Variants in MAJIN observed in about 807,000 individuals in gnomAD.
MAJIN encodes the protein membrane anchored junction protein.
MAJIN carries 27 observed loss-of-function variants against 30.2 expected under a neutral mutation model. The observed-to-expected ratio is 0.89, with a 90% CI of 0.66 to 1.23. The LOEUF (loss-of-function observed/expected upper bound fraction) is 1.23. MAJIN is among the 50% of genes most tolerant of loss of function. The pLI is 0.00. For synonymous variants in MAJIN, 78 were observed against 91.6 expected (o/e 0.85, Z 0.85); for missense variants, 253 against 260.3 (o/e 0.97, Z 0.19).
At chr11:64,971,476 AAGGAGG>A (rs201940825) in intron 1 of MAJIN, among the ~76,000 whole-genome samples, 1,630 of 145,184 alleles carry the variant, frequency 0.011, 15 homozygotes, top group Non-Finnish European at 0.018. Flanking sequence ...GGGGGCGGGG[AAGGAGG>A]AGGAGGAGGA....
At chr11:64,956,414 G>A (rs866420737) in intron 3 of MAJIN, among the ~76,000 whole-genome samples, 24 of 152,182 alleles carry the variant, frequency 1.6e-4, no homozygotes, top group Middle Eastern at 3.4e-3. Context: ...ACTTCAACCC[G>A]GGAGGTGGAG....
At position 64,944,859 on chromosome 11, in the gene MAJIN, G is replaced by T. The variant is rs149812402; in HGVS notation, c.473+2515C>A. Among the ~76,000 whole-genome samples, 589 of 152,264 alleles carry T rather than the reference G, an allele frequency of 3.9e-3. 2 individuals carry two copies. The highest frequency in any genetic ancestry group is 0.014 in the African/African-American group (565 of 41,554). The stretch of plus-strand genomic sequence containing the variant: ...CCAGCTAACAGCTATTTAAAGAGGG[G>T]AGGAAAAGAAAAAGGTCACTATTTT... On this transcript the variant is annotated intron_variant, in intron 8 of 10. Coordinates refer to ENST00000301896, the MANE Select transcript of MAJIN (RefSeq NM_001037225.3).
chr11:64,940,703 T>A, intron 8 of MAJIN, 57 bp from the exon 9 acceptor site: 1 of 1,488,038 alleles, frequency 6.7e-7, no homozygotes, highest in South Asian at 1.1e-5. Flanking sequence ...TGCATGGCAA[T>A]CTGAATGCTA....
chr11:64,966,145 G>GAAAAAAAGAAAAAA (rs1945804759), intron 1 of MAJIN, among the ~76,000 whole-genome samples: 1 of 57,100 alleles, frequency 1.8e-5, no homozygotes, highest in Non-Finnish European at 3.0e-5. Context: ...GATTAAAAAT[G>GAAAAAAAGAAAAAA]AAAAAAAAAA....
intron 1 of MAJIN, among the ~76,000 whole-genome samples, chr11:64,962,259 T>C (rs1273171838): frequency 6.6e-6 from 1 of 152,250 alleles, no homozygotes; most frequent in Non-Finnish European, 1.5e-5. Context: ...AGCCCTCTTC[T>C]AGCTAGGGCC....
intron 4 of MAJIN, 107 bp downstream of exon 4, chr11:64,954,649 GT>G: frequency 9.1e-7 from 1 of 1,099,130 alleles, no homozygotes; most frequent in Non-Finnish European, 1.4e-6. Flanking sequence ...AGGAAGCCAA[GT>G]TATCAAGTGG....
chr11:64,964,750 C>A (rs1945780707), intron 1 of MAJIN, among the ~76,000 whole-genome samples: 1 of 151,972 alleles, frequency 6.6e-6, no homozygotes, highest in South Asian at 2.1e-4. Flanking sequence ...CCACACCTGG[C>A]TAATTTTTGT....
At chr11:64,948,602 CATATATATATATAT>C (rs1554970962) in intron 6 of MAJIN, among the ~76,000 whole-genome samples, 30 of 19,420 alleles carry the variant, frequency 1.5e-3, no homozygotes, top group East Asian at 7.2e-3. Context: ...CGGGCTACAT[CATATATATATATAT>C]ATATATATAT....
At chr11:64,938,749 G>T (rs929767194) in intron 10 of MAJIN, among the ~76,000 whole-genome samples, 176 bp from the exon 11 acceptor site, 1 of 152,152 alleles carries the variant, frequency 6.6e-6, no homozygotes, top group East Asian at 1.9e-4. Context: ...TCAGGAGGGG[G>T]AAATAAAGAA....
chr11:64,962,172 C>G (rs1025598261), intron 1 of MAJIN, among the ~76,000 whole-genome samples: 4 of 152,198 alleles, frequency 2.6e-5, no homozygotes, highest in African/African-American at 9.7e-5. Flanking sequence ...AAATGAAGGA[C>G]ATTTGCTGGA....
chr11:64,951,169 T>C (rs1945545237), intron 4 of MAJIN, among the ~76,000 whole-genome samples: 1 of 152,224 alleles, frequency 6.6e-6, no homozygotes, highest in African/African-American at 2.4e-5. Context: ...GTATCCCTTC[T>C]ATGGTGTCTA....
intron 1 of MAJIN, among the ~76,000 whole-genome samples, chr11:64,970,142 T>A (rs1322943825): frequency 1.3e-5 from 2 of 151,966 alleles, no homozygotes; most frequent in East Asian, 4.0e-4. Context: ...AGTGGGTGGA[T>A]CACCTGAGGT....
At chr11:64,947,273 C>A in intron 8 of MAJIN, 101 bp downstream of exon 8, 2 of 995,826 alleles carry the variant, frequency 2.0e-6, no homozygotes, top group South Asian at 1.8e-5. Flanking sequence ...TGAAGTCCTG[C>A]AAAAGAAAGT....
intron 1 of MAJIN, among the ~76,000 whole-genome samples, chr11:64,965,340 CAG>C (rs1459036820): frequency 1.3e-5 from 2 of 152,138 alleles, no homozygotes; most frequent in African/African-American, 4.8e-5. Flanking sequence ...CTAAACCTAA[CAG>C]AGAATTAGGA....
chr11:64,947,508 T>A, intron 7 of MAJIN, 43 bp from the exon 8 acceptor site: 1 of 1,573,166 alleles, frequency 6.4e-7, no homozygotes, highest in Non-Finnish European at 8.7e-7. Flanking sequence ...CTTTCCAGAG[T>A]TGCTCACAGT....
Position 64,954,469 on chromosome 11 carries a change from T to C in MAJIN, c.147+288A>G. 4.0e-6 allele frequency: 2 copies of C among 494,836 alleles called. 1 individual carries two copies. Among genetic ancestry groups the C allele is most frequent in the South Asian group, 4.1e-5 (2 of 49,118 alleles). The allele number at this position is 494,836 out of a possible 1,614,324, so 30.7% of individuals were successfully genotyped here. A position where few individuals can be genotyped will look rare whatever the true frequency, so the allele number is the denominator to read the frequency against. ...AGGAGGCAGTCCTCCGGAATCTTTC[T>C]CTATGCCAGCTGCAACAAAAGAGAG... On this transcript the variant is annotated intron_variant, in intron 4 of 10. Transcript: ENST00000301896.
rs112559296 is a variant in MAJIN, at chr11:64,972,075, G to T, written c.-263C>A. On this transcript the variant is annotated 5_prime_UTR_variant, in exon 1 of 11. Transcript: ENST00000301896. ...TAAGCAACTTCGGGGCTCGTGCCGCGCACCCACCAGGCCTTCTGCGCACGC... is the reference window on the plus strand; with the variant it reads ...TAAGCAACTTCGGGGCTCGTGCCGCTCACCCACCAGGCCTTCTGCGCACGC... 11 of 152,308 alleles carry T rather than the reference G, an allele frequency of 7.2e-5. 1 individual carries two copies. Among genetic ancestry groups the T allele is most frequent in the African/African-American group, 2.6e-4 (11 of 41,572 alleles). 9.4% of individuals were successfully genotyped at this position (152,308 alleles called of 1,614,324 possible). A position where few individuals can be genotyped will look rare whatever the true frequency, so the allele number is the denominator to read the frequency against.
chr11:64,947,294 A>G, intron 8 of MAJIN, 80 bp downstream of exon 8: 1 of 1,256,370 alleles, frequency 8.0e-7, no homozygotes, highest in South Asian at 1.5e-5. Context: ...GACTCGCCCA[A>G]GGACAGGATC....
chr11:64,940,835 CTTTTTTTTTT>C (rs1168979344), intron 8 of MAJIN, among the ~76,000 whole-genome samples, 189 bp from the exon 9 acceptor site: 2 of 88,564 alleles, frequency 2.3e-5, no homozygotes, highest in African/African-American at 4.9e-5. Context: ...TTTTTTCTTT[CTTTTTTTTTT>C]TTTTTTTTTT....
Sources: allele counts gnomAD v4.1 joint callset (sites outside exome capture counted in the v4.1 genomes callset), GRCh38; gene constraint gnomAD v4.1.1; transcripts MANE v1.5; gene names NCBI Gene and HGNC (gene_info 2026-07-23, HGNC 2026-07-21).